CNBD1: variants seen among roughly 807,000 people sequenced by gnomAD.
CNBD1 encodes the protein cyclic nucleotide-binding domain-containing protein 1.
CNBD1 carries 71 observed loss-of-function variants against 54.4 expected under a neutral mutation model. The observed-to-expected ratio is 1.30, with a 90% CI of 1.08 to 1.59. The LOEUF (loss-of-function observed/expected upper bound fraction) is 1.59. Among genes scored for constraint, CNBD1 ranks in the 40% most tolerant of loss-of-function variants. The pLI is 0.00. For missense variants in CNBD1, 659 were observed against 518.0 expected, an observed-to-expected ratio of 1.27 and a Z score of -2.64; for synonymous variants, 182 against 170.7, an observed-to-expected ratio of 1.07 and a Z score of -0.51.
At chr8:87,141,484 C>G (rs1368658847) in intron 4 of CNBD1, among the ~76,000 whole-genome samples, 2 of 152,084 alleles carry the variant, frequency 1.3e-5, no homozygotes, top group African/African-American at 4.8e-5. Flanking sequence ...AGCACACAGC[C>G]AATTCTCCTA....
intron 6 of CNBD1, among the ~76,000 whole-genome samples, chr8:87,260,995 AC>A (rs879423957): frequency 6.6e-6 from 1 of 152,184 alleles, no homozygotes; most frequent in Admixed American, 6.6e-5. Flanking sequence ...GGGATAGAAC[AC>A]AAAAATCCCT....
At chr8:87,406,130 CA>C (rs1283640857) in intron 2 of CNBD1, among the ~76,000 whole-genome samples, 1 of 151,938 alleles carries the variant, frequency 6.6e-6, no homozygotes, top group Non-Finnish European at 1.5e-5. Flanking sequence ...ATGATACAAA[CA>C]AGAAGGAATT....
rs540894470 is a variant in CNBD1, at chr8:87,206,847, C to A, written c.577+709C>A. ...TATTATTCTCCACAGATGAGGACCCCGAGGCACAAATATCACACAGAGCAT... is the reference window on the plus strand; with the variant it reads ...TATTATTCTCCACAGATGAGGACCCAGAGGCACAAATATCACACAGAGCAT... On this transcript the variant is annotated intron_variant, in intron 5 of 10. Transcript: ENST00000518476. 3.3e-5 allele frequency among the ~76,000 whole-genome samples: 5 copies of A among 152,146 alleles called. No homozygotes were observed. The East Asian group carries it at 9.7e-4, about 29-fold the overall frequency.
intron 4 of CNBD1, among the ~76,000 whole-genome samples, chr8:86,950,356 C>G (rs993505283): frequency 2.6e-5 from 4 of 152,166 alleles, no homozygotes; most frequent in Admixed American, 2.0e-4. Context: ...GCATGAGCCA[C>G]TGTGCCCAGC....
At chr8:86,869,121 C>G (rs1046040431) in intron 1 of CNBD1, among the ~76,000 whole-genome samples, 1 of 152,162 alleles carries the variant, frequency 6.6e-6, no homozygotes, top group Non-Finnish European at 1.5e-5. Context: ...GATTTTAGCC[C>G]AGTGAAATCA....
chr8:87,218,146 C>T (rs952451212), intron 5 of CNBD1, among the ~76,000 whole-genome samples: 1 of 152,036 alleles, frequency 6.6e-6, no homozygotes, highest in African/African-American at 2.4e-5. Flanking sequence ...TGTTCCTCCC[C>T]ACTCCTGGCA....
At chr8:87,423,125 G>C (rs1404939211) in intron 2 of CNBD1, among the ~76,000 whole-genome samples, 3 of 152,108 alleles carry the variant, frequency 2.0e-5, no homozygotes, top group South Asian at 4.1e-4. Flanking sequence ...CATTGATTTT[G>C]TATCCTGAGA....
chr8:87,188,891 C>A (rs1586317188), intron 4 of CNBD1, among the ~76,000 whole-genome samples: 1 of 142,692 alleles, frequency 7.0e-6, no homozygotes, highest in African/African-American at 2.6e-5. Context: ...GACTTCTGAA[C>A]CTGACATGTA....
intron 4 of CNBD1, among the ~76,000 whole-genome samples, chr8:87,186,603 C>A (rs903626113): frequency 6.6e-6 from 1 of 151,928 alleles, no homozygotes; most frequent in Non-Finnish European, 1.5e-5. Context: ...ATAAGCAGCT[C>A]TTTATATCTT....
intron 4 of CNBD1, among the ~76,000 whole-genome samples, chr8:87,115,839 A>G (rs1316411044): frequency 2.6e-5 from 4 of 152,142 alleles, no homozygotes; most frequent in Non-Finnish European, 5.9e-5. Context: ...AAGTCTCCAT[A>G]TTCACACTGC....
intron 8 of CNBD1, among the ~76,000 whole-genome samples, chr8:87,303,816 A>G (rs1040610000): frequency 1.3e-5 from 2 of 151,948 alleles, no homozygotes; most frequent in Non-Finnish European, 2.9e-5. Context: ...CCCCATCAAC[A>G]AGTGGGCGAA....
intron 4 of CNBD1, among the ~76,000 whole-genome samples, chr8:87,137,462 A>T (rs1812279808): frequency 6.6e-6 from 1 of 151,698 alleles, no homozygotes. Context: ...TCAGCCTCCC[A>T]AAGTGCTGGG....
At chr8:87,387,551 G>A (rs550992399), downstream of CNBD1, among the ~76,000 whole-genome samples, 2,260 of 152,204 alleles carry the variant, frequency 0.015, 54 homozygotes, top group African/African-American at 0.049. Flanking sequence ...AACAAGAAGA[G>A]CTAACTATCC....
intron 8 of CNBD1, among the ~76,000 whole-genome samples, chr8:87,323,288 G>A (rs1234471115): frequency 3.6e-5 from 4 of 111,988 alleles, no homozygotes; most frequent in Non-Finnish European, 1.9e-5. Flanking sequence ...GGCGATGTGG[G>A]CTCTTTTTTG....
intron 2 of CNBD1, among the ~76,000 whole-genome samples, chr8:87,408,614 A>T (rs575955382): frequency 1.3e-5 from 2 of 152,052 alleles, no homozygotes; most frequent in Non-Finnish European, 2.9e-5. Context: ...ATCGTGCTTC[A>T]TTATATCATG....
Position 87,353,622 on chromosome 8 carries a change from TA to T in CNBD1, c.1153-13del, listed in dbSNP as rs750405269. On this transcript the variant is annotated splice_polypyrimidine_tract_variant and intron_variant, in intron 9 of 10. Transcript: ENST00000518476. The stretch of plus-strand genomic sequence containing the variant: ...GCAGTTGCATTAAACATCAATAATA[TA>T]TTTTTTTAACAGAAAAGATCTCAAA... 13 of 1,521,498 alleles carry T rather than the reference TA, an allele frequency of 8.5e-6. No individual in the cohort carries two copies. Among genetic ancestry groups the T allele is most frequent in the Admixed American group, 5.8e-5 (3 of 51,528 alleles). The allele number at this position is 1,521,498 out of a possible 1,614,324, so 94.2% of individuals were successfully genotyped here.
At chr8:86,956,860 C>T (rs1168075489) in intron 4 of CNBD1, among the ~76,000 whole-genome samples, 1 of 152,306 alleles carries the variant, frequency 6.6e-6, no homozygotes, top group South Asian at 2.1e-4. Context: ...GAACTTCCAA[C>T]ACTCTGTTGA....
intron 6 of CNBD1, among the ~76,000 whole-genome samples, chr8:87,270,163 T>C (rs560248165): frequency 1.3e-5 from 2 of 151,894 alleles, no homozygotes; most frequent in Non-Finnish European, 2.9e-5. Context: ...AAAAACCACA[T>C]GATCATCTCA....
At chr8:87,004,794 T>C (rs1296234966) in intron 4 of CNBD1, among the ~76,000 whole-genome samples, 1 of 152,174 alleles carries the variant, frequency 6.6e-6, no homozygotes, top group Non-Finnish European at 1.5e-5. Flanking sequence ...TTGTCTTACA[T>C]GTTATTTAAG....
Sources: allele counts gnomAD v4.1 joint callset (sites outside exome capture counted in the v4.1 genomes callset), GRCh38; gene constraint gnomAD v4.1.1; transcripts MANE v1.5; gene names NCBI Gene and HGNC (gene_info 2026-07-23, HGNC 2026-07-21).